The following ZZEF1 variants were observed in gnomAD, a reference collection of about 807,000 sequenced individuals.
ZZEF1 encodes the protein zinc finger ZZ-type and EF-hand domain containing 1, also known as zinc finger ZZ-type and EF-hand domain-containing protein 1.
A neutral mutation model predicts 342.8 loss-of-function variants in ZZEF1; 157 were observed. That is an observed-to-expected ratio of 0.46 (90% confidence interval 0.40 to 0.52). The LOEUF (loss-of-function observed/expected upper bound fraction) is 0.52. Among genes scored for constraint, ZZEF1 ranks in the 20% least tolerant of loss-of-function variants. The pLI is 0.00. For missense variants in ZZEF1, 3,480 were observed against 3,725.6 expected (o/e 0.93, Z 1.72); for synonymous variants, 1,505 against 1,429.1 (o/e 1.05, Z -1.20).
intron 5 of ZZEF1, among the ~76,000 whole-genome samples, chr17:4,111,227 A>G (rs999993681): frequency 1.3e-5 from 2 of 152,162 alleles, no homozygotes; most frequent in Non-Finnish European, 2.9e-5. Flanking sequence ...ACACACACTT[A>G]CACACACAAA....
chr17:4,108,650 G>C (rs2058249665), intron 6 of ZZEF1, among the ~76,000 whole-genome samples: 1 of 152,176 alleles, frequency 6.6e-6, no homozygotes, highest in African/African-American at 2.4e-5. Flanking sequence ...TTGTTTACAG[G>C]AAATACACAC....
chr17:4,016,374 C>G lies in ZZEF1; in HGVS notation c.8094G>C (p.Glu2698Asp). ...GGTGTTTCGACTCCCTCACTTGCACCTCCATTCCTGGCTCCTCCATGAACT... is the reference window on the plus strand; with the variant it reads ...GGTGTTTCGACTCCCTCACTTGCACGTCCATTCCTGGCTCCTCCATGAACT... ...ACQFMEEPGM[E>D]VQVRESKHPY... Residue 2698 changes from glutamate to aspartate, a missense_variant, in exon 49 of 55, where the codon GAG becomes GAC. Around this residue, in one of 5 missense-constraint regions of ZZEF1, gnomAD observed 1,269 missense variants for 1,342.4 expected, o/e 0.95. Transcript: ENST00000381638. The surrounding 1 kb of genome is among the most constrained non-coding windows in gnomAD (Gnocchi z 4.4). The G allele has an allele frequency of 6.2e-7, 1 of 1,614,174 alleles. No individual in the cohort carries two copies. Among genetic ancestry groups the G allele is most frequent in the Non-Finnish European group, 8.5e-7 (1 of 1,180,024 alleles).
In ZZEF1 at chr17:4,009,677, G is replaced by C. The variant is rs1475033897; in HGVS notation, c.8660C>G (p.Thr2887Arg). The C allele has an allele frequency of 3.7e-6, 6 of 1,613,988 alleles. No homozygotes were observed. The highest frequency in any genetic ancestry group is 5.1e-6 in the Non-Finnish European group (6 of 1,180,032). The change falls in exon 53 of 55, where the codon ACG becomes AGG. Residue 2887 changes from threonine to arginine, a missense_variant. By Grantham distance (71) the Thr-to-Arg change is moderately conservative (BLOSUM62 -1). This residue lies in a region of ZZEF1 where 1,269 missense variants were observed against 1,342.4 expected (regional missense o/e 0.95). Coordinates refer to ENST00000381638, the MANE Select transcript of ZZEF1 (RefSeq NM_015113.4). ...CAGGGGAAGGAGGATGCCGGGCTGCGTCACGTCCTCAAACAGGCCGTACTC... is the reference window on the plus strand; with the variant it reads ...CAGGGGAAGGAGGATGCCGGGCTGCCTCACGTCCTCAAACAGGCCGTACTC... Reference protein sequence around the residue: ...HMEYGLFEDVTQPGILLPLHR... With the variant: ...HMEYGLFEDVRQPGILLPLHR...
At chr17:4,058,178 A>G (rs993536225) in intron 31 of ZZEF1, 23 bp from the exon 32 acceptor site, 6 of 1,601,166 alleles carry the variant, frequency 3.7e-6, no homozygotes, top group Non-Finnish European at 5.1e-6. Flanking sequence ...GAAAGTGACC[A>G]TTAGCAGAGC....
rs749556112 is a variant in ZZEF1 at position 4,009,707 on chromosome 17, T to C, written c.8630A>G (p.His2877Arg). 1 of 1,614,046 alleles carries C rather than the reference T, an allele frequency of 6.2e-7. No individual in the cohort carries two copies. The highest frequency in any genetic ancestry group is 1.7e-5 in the Admixed American group (1 of 60,010). Reference protein sequence around the residue: ...LLKPLWQLFTHMEYGLFEDVT... With the variant: ...LLKPLWQLFTRMEYGLFEDVT... ...GTCCTCAAACAGGCCGTACTCCATGTGGGTAAAGAGCTGCCACAGGGGCTT... is the reference window on the plus strand; with the variant it reads ...GTCCTCAAACAGGCCGTACTCCATGCGGGTAAAGAGCTGCCACAGGGGCTT... The change falls in exon 53 of 55, where the codon CAC (histidine) becomes CGC (arginine). Residue 2877 changes from histidine (H) to arginine (R), a missense_variant. Coordinates refer to ENST00000381638, the MANE Select transcript of ZZEF1 (RefSeq NM_015113.4).
intron 11 of ZZEF1, 117 bp downstream of exon 11, chr17:4,095,714 C>A (rs2058022031): frequency 9.0e-7 from 1 of 1,106,448 alleles, no homozygotes; most frequent in Non-Finnish European, 1.2e-6. Flanking sequence ...ATTAGTGGCG[C>A]CTTTTCTATA....
intron 49 of ZZEF1, among the ~76,000 whole-genome samples, chr17:4,015,984 C>T (rs958430595): frequency 2.0e-5 from 3 of 152,208 alleles, no homozygotes; most frequent in Admixed American, 6.5e-5. Flanking sequence ...AGGGTCCAAC[C>T]TGGACCACAT....
In ZZEF1 at chr17:4,056,101, T is replaced by C. The variant is rs530964095; in HGVS notation, c.5295+115A>G. 56 of 1,208,250 alleles carry C rather than the reference T, an allele frequency of 4.6e-5. No homozygotes were observed. In the South Asian group the frequency reaches 7.6e-4, roughly 16 times the overall value. 74.8% of individuals were successfully genotyped at this position (1,208,250 alleles called of 1,614,324 possible). A position where few individuals can be genotyped will look rare whatever the true frequency, so the allele number is the denominator to read the frequency against. ...GGTTGGGGACCCCTTCACTAGGGTA[T>C]TGAATGCCACCTGCAGCCCTCTCAG... On this transcript the variant is annotated intron_variant, in intron 33 of 54. Transcript: ENST00000381638.
At chr17:4,054,889 G>C (rs143853972) in intron 33 of ZZEF1, among the ~76,000 whole-genome samples, 356 of 152,304 alleles carry the variant, frequency 2.3e-3, no homozygotes, top group African/African-American at 8.2e-3. Flanking sequence ...AGGCGGGATG[G>C]TGAAAGGTGC....
intron 1 of ZZEF1, among the ~76,000 whole-genome samples, chr17:4,130,930 T>A (rs1597940585): frequency 6.6e-6 from 1 of 152,144 alleles, no homozygotes; most frequent in Non-Finnish European, 1.5e-5. Flanking sequence ...AGAATCCGAA[T>A]GGGACTCGAT....
chr17:4,105,295 C>A (rs181338127), intron 7 of ZZEF1, among the ~76,000 whole-genome samples: 21 of 152,366 alleles, frequency 1.4e-4, no homozygotes, highest in African/African-American at 4.8e-4. Flanking sequence ...AGTGTCCCTA[C>A]ACAAAGTGGT....
rs1567832847 is a variant in ZZEF1 at position 4,090,803 on chromosome 17, T to C, written c.1941A>G (p.Gly647=). 5 of 1,614,116 alleles carry C rather than the reference T, an allele frequency of 3.1e-6. No individual in the cohort carries two copies. Among genetic ancestry groups the C allele is most frequent in the Non-Finnish European group, 3.4e-6 (4 of 1,180,016 alleles). Residue 647 remains glycine (G), a synonymous_variant, in exon 12 of 55, where the codon GGA becomes GGG. Transcript: ENST00000381638. Reference sequence around the variant, plus strand: ...CAAACCAGCCAATAGGATCATCCTCTCCAAGGTCATCAGATGAGCAACCAA... The same window carrying C: ...CAAACCAGCCAATAGGATCATCCTCCCCAAGGTCATCAGATGAGCAACCAA... The part of the protein sequence containing the change: ...SRIGCSSDDL[G]EDDPIGWFEL...
chr17:4,095,708 G>C (rs1023007714), intron 11 of ZZEF1, 123 bp downstream of exon 11: 1 of 1,015,636 alleles, frequency 9.8e-7, no homozygotes, highest in Non-Finnish European at 1.4e-6. Flanking sequence ...AGATGGATTA[G>C]TGGCGCCTTT....
At chr17:4,134,190 G>T (rs1265199385) in intron 1 of ZZEF1, among the ~76,000 whole-genome samples, 2 of 151,562 alleles carry the variant, frequency 1.3e-5, no homozygotes, top group Non-Finnish European at 2.9e-5. Context: ...CTTAAGAAAA[G>T]AAATGTTCAG....
At position 4,027,693 on chromosome 17, in the gene ZZEF1, C is replaced by T. The variant is rs147625339; in HGVS notation, c.6893-2575G>A. 1.7e-3 allele frequency among the ~76,000 whole-genome samples: 252 copies of T among 150,542 alleles called. 2 individuals are homozygous for T. The highest frequency in any genetic ancestry group is 5.7e-3 in the African/African-American group (233 of 40,772). The stretch of plus-strand genomic sequence containing the variant: ...TAGCTCACTGCAGCCTTGATCTCCT[C>T]GGCTCAAGTGATCCTCCTGCCTCTG... On this transcript the variant is annotated intron_variant, in intron 42 of 54. Transcript: ENST00000381638.
chr17:4,049,929 A>C, intron 36 of ZZEF1, 70 bp from the exon 37 acceptor site: 1 of 1,554,942 alleles, frequency 6.4e-7, no homozygotes, highest in South Asian at 1.2e-5. Context: ...AAGTGCCATA[A>C]GTTACTTTGC....
chr17:4,054,832 C>T (rs1029333755), intron 33 of ZZEF1, among the ~76,000 whole-genome samples: 7 of 152,194 alleles, frequency 4.6e-5, no homozygotes, highest in East Asian at 3.9e-4. Flanking sequence ...ATGACCAAAG[C>T]GTTAAAGGAA....
rs115486650 is a variant in ZZEF1, at chr17:4,098,838, C to G, written c.1673-2138G>C. Among the ~76,000 whole-genome samples the G allele has an allele frequency of 5.3e-3, 802 of 152,288 alleles. 10 individuals carry two copies. Among genetic ancestry groups the G allele is most frequent in the African/African-American group, 0.018 (768 of 41,562 alleles). ...TCTATGATCTAGTTCTATGAAAGAGCAATTCTATAGGCAATTTTAAGAATC... is the reference window on the plus strand; with the variant it reads ...TCTATGATCTAGTTCTATGAAAGAGGAATTCTATAGGCAATTTTAAGAATC... On this transcript the variant is annotated intron_variant, in intron 9 of 54. Transcript: ENST00000381638.
At chr17:4,121,786 G>T (rs1455832170) in intron 2 of ZZEF1, among the ~76,000 whole-genome samples, 1 of 151,450 alleles carries the variant, frequency 6.6e-6, no homozygotes, top group African/African-American at 2.4e-5. Flanking sequence ...ACAGTGGCGT[G>T]ATCACGGCTC....
Sources: gnomAD v4.1 joint callset for allele counts (sites outside exome capture counted in the v4.1 genomes callset) on GRCh38, gnomAD v4.1.1 for gene constraint, gnomAD v4.1.1 regional missense constraint, Gnocchi (gnomAD v3.1) non-coding constraint, MANE v1.5 for transcripts, NCBI Gene and HGNC (gene_info 2026-07-23, HGNC 2026-07-21) for gene names.